Variants in AGO1 observed in about 807,000 individuals in gnomAD.
AGO1 encodes the protein argonaute RISC component 1, also known as protein argonaute-1.
Under a neutral mutation model 109.2 loss-of-function variants are expected in AGO1, and 11 were observed. The ratio of observed to expected loss-of-function variants is 0.10; its 90% CI spans 0.06 to 0.17. The LOEUF is 0.17. AGO1 is among the 10% of genes least tolerant of loss of function. AGO1 has a pLI of 1.00. For synonymous variants in AGO1, 422 were observed against 418.6 expected (o/e 1.01, Z -0.10); for missense variants, 574 against 1,140.3 (o/e 0.50, Z 7.15).
intron 8 of AGO1, among the ~76,000 whole-genome samples, chr1:35,897,334 G>A (rs1390458603): frequency 6.6e-6 from 1 of 152,180 alleles, no homozygotes; most frequent in African/African-American, 2.4e-5. Context: ...CAACCTGAGA[G>A]AAGAGCCTTC....
chr1:35,916,307 G>A lies in AGO1; in HGVS notation c.2028+765G>A, dbSNP rs540777600. On this transcript the variant is annotated intron_variant, in intron 15 of 18. Coordinates refer to ENST00000373204, the MANE Select transcript of AGO1 (RefSeq NM_012199.5). Reference sequence around the variant, plus strand: ...ATCAAAGATAATTAGGAGTGGAACCGGGATTCAGACACATTGGTCTGATTC... The same window carrying A: ...ATCAAAGATAATTAGGAGTGGAACCAGGATTCAGACACATTGGTCTGATTC... 1.8e-3 allele frequency among the ~76,000 whole-genome samples: 270 copies of A among 152,266 alleles called. 1 individual carries two copies. Among genetic ancestry groups the A allele is most frequent in the African/African-American group, 6.0e-3 (248 of 41,566 alleles).
intron 1 of AGO1, among the ~76,000 whole-genome samples, chr1:35,877,659 C>T (rs925912751): frequency 1.3e-5 from 2 of 152,120 alleles, no homozygotes; most frequent in African/African-American, 4.8e-5. Flanking sequence ...GTAAAATACA[C>T]ACTGAATTTC....
chr1:35,883,140 T>C, upstream of AGO1: 2 of 1,115,204 alleles, frequency 1.8e-6, no homozygotes, highest in Non-Finnish European at 2.2e-6. The surrounding 1 kb of genome is among the most constrained non-coding windows in gnomAD (Gnocchi z 5.4). Flanking sequence ...CATTGGCCTT[T>C]GTTGCCGTCG....
At chr1:35,905,889 TTG>T (rs1200467282) in intron 11 of AGO1, among the ~76,000 whole-genome samples, 2 of 152,242 alleles carry the variant, frequency 1.3e-5, no homozygotes. Context: ...GTTTCTTTTC[TTG>T]TGTGTTTTTA....
At chr1:35,916,905 G>A (rs944909306) in intron 15 of AGO1, among the ~76,000 whole-genome samples, 1 of 152,158 alleles carries the variant, frequency 6.6e-6, no homozygotes. Flanking sequence ...ATTAACAGAC[G>A]TGGAGAAAAT....
chr1:35,881,897 G>C (rs1223174543), upstream of AGO1, among the ~76,000 whole-genome samples: 1 of 152,214 alleles, frequency 6.6e-6, no homozygotes, highest in African/African-American at 2.4e-5. Context: ...GGAGTTCCCA[G>C]AAACTTTGAG....
intron 8 of AGO1, among the ~76,000 whole-genome samples, chr1:35,899,491 G>T (rs541421648): frequency 6.6e-6 from 1 of 152,294 alleles, no homozygotes; most frequent in East Asian, 1.9e-4. Flanking sequence ...CACTGGCGTT[G>T]TACAAGTATT....
rs1645692363 is a variant in AGO1 at position 35,914,171 on chromosome 1, C to T, written c.1743-13C>T. 2.5e-6 allele frequency: 4 copies of T among 1,613,754 alleles called. No homozygotes were observed. Among genetic ancestry groups the T allele is most frequent in the Non-Finnish European group, 3.4e-6 (4 of 1,179,764 alleles). On this transcript the variant is annotated splice_polypyrimidine_tract_variant and intron_variant, in intron 13 of 18. Transcript: ENST00000373204. ...CCAGCGCCTCACCATTTTGTTTTCTCTTCCTTGCTCAGCTCTGCCGTTTTT... is the reference window on the plus strand; with the variant it reads ...CCAGCGCCTCACCATTTTGTTTTCTTTTCCTTGCTCAGCTCTGCCGTTTTT...
Position 35,887,415 on chromosome 1 carries a change from C to G in AGO1, c.26-1012C>G, listed in dbSNP as rs113889377. On this transcript the variant is annotated intron_variant, in intron 1 of 18. Coordinates refer to ENST00000373204, the MANE Select transcript of AGO1 (RefSeq NM_012199.5). The stretch of plus-strand genomic sequence containing the variant: ...CTTCCCCCCAAGCTAGAAAATAAGA[C>G]TGGAGACAGCAGCCAGACTGGCAAA... 3.5e-3 allele frequency among the ~76,000 whole-genome samples: 528 copies of G among 152,226 alleles called. 1 individual carries two copies. The highest frequency in any genetic ancestry group is 6.4e-3 in the Non-Finnish European group (434 of 68,010).
rs1645880469 is a variant in AGO1, at chr1:35,924,045, C to G, written c.*4438C>G. On this transcript the variant is annotated 3_prime_UTR_variant, in exon 19 of 19. Coordinates refer to ENST00000373204, the MANE Select transcript of AGO1 (RefSeq NM_012199.5). ...TCTGGTTTTCACTTTAGTTTCTAAA[C>G]TTTTTATCCCTCTCAAGTCCAGCAT... 1.3e-5 allele frequency: 2 copies of G among 152,636 alleles called. No individual in the cohort carries two copies. Among genetic ancestry groups the G allele is most frequent in the Non-Finnish European group, 2.9e-5 (2 of 68,054 alleles). The allele number at this position is 152,636 out of a possible 1,614,324, so 9.5% of individuals were successfully genotyped here. A position where few individuals can be genotyped will look rare whatever the true frequency, so the allele number is the denominator to read the frequency against.
upstream of AGO1, among the ~76,000 whole-genome samples, chr1:35,882,503 C>T (rs1278554577): frequency 1.3e-5 from 2 of 152,200 alleles, no homozygotes; most frequent in Non-Finnish European, 2.9e-5. This position sits in a 1 kb window ranked among gnomAD's most constrained non-coding sequence, Gnocchi z 5.1. Flanking sequence ...GAAAAGTATC[C>T]TTTGGATGTC....
chr1:35,898,321 A>C (rs1645356460), intron 8 of AGO1, among the ~76,000 whole-genome samples: 2 of 151,176 alleles, frequency 1.3e-5, no homozygotes, highest in South Asian at 4.2e-4. Flanking sequence ...CAGTGGCACG[A>C]TCTCGGCTCA....
chr1:35,902,691 T>C (rs1645439388), intron 11 of AGO1, among the ~76,000 whole-genome samples: 1 of 152,236 alleles, frequency 6.6e-6, no homozygotes, highest in Non-Finnish European at 1.5e-5. Flanking sequence ...TCTTATTTCA[T>C]CTTTACAGTG....
chr1:35,869,964 G>C (rs1307211741), intron 1 of AGO1: 3 of 152,208 alleles, frequency 2.0e-5, no homozygotes, highest in African/African-American at 7.2e-5. Flanking sequence ...TTGAAAATGG[G>C]CTCAAGAGCG....
chr1:35,893,102 C>T lies in AGO1; in HGVS notation c.336C>T (p.Asp112=), dbSNP rs1645251826. Residue 112 remains aspartate (D), a synonymous_variant, in exon 4 of 19, where the codon GAC becomes GAT. Coordinates refer to ENST00000373204, the MANE Select transcript of AGO1 (RefSeq NM_012199.5). This position sits in a 1 kb window ranked among gnomAD's most constrained non-coding sequence, Gnocchi z 5.6. ...TTTCTTTCACCCTCCTGAAGGTCGACTTTGAGGTGACAATCCCTGGGGAAG... is the reference window on the plus strand; with the variant it reads ...TTTCTTTCACCCTCCTGAAGGTCGATTTTGAGGTGACAATCCCTGGGGAAG... ...TALPIGNERV[D]FEVTIPGEGK... is the part of the protein sequence containing the mutation. 1 of 1,613,930 alleles carries T rather than the reference C, an allele frequency of 6.2e-7. No homozygotes were observed. Among genetic ancestry groups the T allele is most frequent in the Non-Finnish European group, 8.5e-7 (1 of 1,179,908 alleles).
intron 8 of AGO1, among the ~76,000 whole-genome samples, chr1:35,900,240 T>G (rs1237544223): frequency 6.6e-6 from 1 of 152,194 alleles, no homozygotes; most frequent in Non-Finnish European, 1.5e-5. Flanking sequence ...CTGTCACCAT[T>G]GGACAGCTGC....
chr1:35,888,664 G>A lies in AGO1; in HGVS notation c.209+54G>A, dbSNP rs1324939085. The A allele has an allele frequency of 1.3e-6, 2 of 1,596,338 alleles. No homozygotes were observed. The highest frequency in any genetic ancestry group is 2.7e-5 in the African/African-American group (2 of 74,390). On this transcript the variant is annotated intron_variant, in intron 2 of 18. Transcript: ENST00000373204. The surrounding 1 kb of genome is among the most constrained non-coding windows in gnomAD (Gnocchi z 4.1). ...TCTGAAAGACACCAACCTTGAAAGA[G>A]GGGCCAGAAAGGTAAAAGAAAAACC... is the stretch of plus-strand genomic sequence containing the variant.
Position 35,912,258 on chromosome 1 carries a change from C to T in AGO1, c.1583-1584C>T, listed in dbSNP as rs151310528. ...CCTGTAGTCCCAGCTACTCAGGAGG[C>T]TGAGGCAGGAGAATGGTGTGAACCC... is the stretch of plus-strand genomic sequence containing the variant. On this transcript the variant is annotated intron_variant, in intron 12 of 18. Transcript: ENST00000373204. 9.5e-3 allele frequency among the ~76,000 whole-genome samples: 1,407 copies of T among 148,516 alleles called. 22 individuals carry two copies. The highest frequency in any genetic ancestry group is 0.033 in the African/African-American group (1,316 of 40,368).
At position 35,929,403 on chromosome 1, in the gene AGO1, C is replaced by T. The variant is rs935573817; in HGVS notation, c.*9796C>T. The T allele has an allele frequency of 2.6e-5, 4 of 152,196 alleles. No homozygotes were observed. The highest frequency in any genetic ancestry group is 7.2e-5 in the African/African-American group (3 of 41,448). 9.4% of individuals were successfully genotyped at this position (152,196 alleles called of 1,614,324 possible). A position where few individuals can be genotyped will look rare whatever the true frequency, so the allele number is the denominator to read the frequency against. On this transcript the variant is annotated 3_prime_UTR_variant, in exon 19 of 19. Coordinates refer to ENST00000373204, the MANE Select transcript of AGO1 (RefSeq NM_012199.5). Reference sequence around the variant, plus strand: ...TCAATGTTGAAAAAGACTAGCCCACCCCAAAGGTTTATCACTGTCACCATG... The same window carrying T: ...TCAATGTTGAAAAAGACTAGCCCACTCCAAAGGTTTATCACTGTCACCATG...
Sources: allele counts gnomAD v4.1 joint callset (sites outside exome capture counted in the v4.1 genomes callset), GRCh38; gene constraint gnomAD v4.1.1; non-coding constraint Gnocchi (gnomAD v3.1); transcripts MANE v1.5; gene names NCBI Gene and HGNC (gene_info 2026-07-23, HGNC 2026-07-21).